The following USP45 variants were observed in gnomAD, a reference collection of about 807,000 sequenced individuals.
USP45 encodes ubiquitin specific peptidase 45.
A neutral mutation model predicts 95.8 loss-of-function variants in USP45; 89 were observed. That is an observed-to-expected ratio of 0.93 (90% CI 0.78 to 1.11). The LOEUF is 1.11. Ranked by LOEUF, USP45 falls within the 50% of genes least tolerant of loss-of-function variation. The pLI, the probability that USP45 is intolerant of heterozygous loss-of-function variation, is 0.00. For missense variants in USP45, 898 were observed against 942.5 expected (o/e 0.95, Z 0.62); for synonymous variants, 281 against 316.2 (o/e 0.89, Z 1.18).
chr6:99,457,969 C>T (rs1327742202), intron 13 of USP45, among the ~76,000 whole-genome samples: 1 of 152,140 alleles, frequency 6.6e-6, no homozygotes, highest in Non-Finnish European at 1.5e-5. Flanking sequence ...TATAGAAAAG[C>T]CCACAGAGCA....
chr6:99,453,151 A>T (rs927532156), intron 13 of USP45, among the ~76,000 whole-genome samples: 7 of 141,418 alleles, frequency 4.9e-5, no homozygotes, highest in African/African-American at 1.1e-4. Context: ...CGTTGTGCAC[A>T]TGTACCCTAG....
chr6:99,464,348 A>G (rs1233569060), intron 13 of USP45, among the ~76,000 whole-genome samples: 1 of 152,188 alleles, frequency 6.6e-6, no homozygotes, highest in African/African-American at 2.4e-5. Flanking sequence ...GTAGAGATAC[A>G]CATTGAAGTA....
intron 9 of USP45, among the ~76,000 whole-genome samples, chr6:99,469,075 A>T (rs979040786): frequency 2.0e-5 from 3 of 152,190 alleles, no homozygotes; most frequent in African/African-American, 4.8e-5. Context: ...TCTCTATGCT[A>T]TGTGGACTAC....
intron 17 of USP45, among the ~76,000 whole-genome samples, chr6:99,436,341 C>T (rs1452117457): frequency 6.6e-6 from 1 of 152,076 alleles, no homozygotes; most frequent in African/African-American, 2.4e-5. Context: ...CACTTGAGGT[C>T]AGGAGTTTGA....
chr6:99,487,221 C>T (rs1031161428), intron 7 of USP45, among the ~76,000 whole-genome samples: 3 of 152,170 alleles, frequency 2.0e-5, no homozygotes, highest in Admixed American at 1.3e-4. Flanking sequence ...AGTAAAGTAG[C>T]ATTCCTTCAT....
intron 16 of USP45, 123 bp downstream of exon 16, chr6:99,439,646 G>T: frequency 1.7e-6 from 1 of 587,622 alleles, no homozygotes; most frequent in Non-Finnish European, 2.7e-6. Flanking sequence ...CTTAATCACT[G>T]GCTATTAAAA....
At chr6:99,507,381 G>A (rs201759612) in intron 4 of USP45, 47 bp downstream of exon 4, 62 of 1,092,490 alleles carry the variant, frequency 5.7e-5, no homozygotes, top group Non-Finnish European at 7.4e-5. Flanking sequence ...AAAAAAAATT[G>A]GGGGGCTGTG....
At chr6:99,455,049 C>G (rs959433783) in intron 13 of USP45, among the ~76,000 whole-genome samples, 1 of 147,930 alleles carries the variant, frequency 6.8e-6, no homozygotes, top group Non-Finnish European at 1.5e-5. Context: ...AAGATCACAC[C>G]ACTGCACTCC....
intron 9 of USP45, among the ~76,000 whole-genome samples, chr6:99,473,345 G>C (rs1789923769): frequency 6.6e-6 from 1 of 151,660 alleles, no homozygotes; most frequent in African/African-American, 2.4e-5. Flanking sequence ...TTCGAAACAA[G>C]CCTGGCCAAA....
intron 4 of USP45, among the ~76,000 whole-genome samples, chr6:99,505,071 A>AT (rs1798206559): frequency 6.6e-6 from 1 of 152,204 alleles, no homozygotes; most frequent in South Asian, 2.1e-4. Context: ...ATAAAATAAG[A>AT]TAAAAAGGGG....
At chr6:99,508,105 A>G (rs960197113) in intron 3 of USP45, among the ~76,000 whole-genome samples, 2 of 152,224 alleles carry the variant, frequency 1.3e-5, no homozygotes, top group African/African-American at 4.8e-5. Flanking sequence ...CCATTAAATT[A>G]ACTAATCCTG....
At chr6:99,461,124 T>C (rs1324758089) in intron 13 of USP45, 1 of 984,496 alleles carries the variant, frequency 1.0e-6, no homozygotes, top group African/African-American at 1.7e-5. Context: ...AAATCTTTCA[T>C]AAAACTAATA....
At chr6:99,500,221 T>A (rs567119682) in intron 5 of USP45, among the ~76,000 whole-genome samples, 4 of 152,148 alleles carry the variant, frequency 2.6e-5, no homozygotes, top group African/African-American at 9.6e-5. Context: ...GCCTCCCGGG[T>A]TCAAACAATT....
In USP45 at chr6:99,468,436, C is replaced by T. The variant is rs546854321; in HGVS notation, c.1015+101G>A. 61 of 783,734 alleles carry T rather than the reference C, an allele frequency of 7.8e-5. 1 individual carries two copies. Among genetic ancestry groups the T allele is most frequent in the South Asian group, 3.2e-4 (19 of 60,150 alleles). The allele number at this position is 783,734 out of a possible 1,614,324, so 48.5% of individuals were successfully genotyped here. A position where few individuals can be genotyped will look rare whatever the true frequency, so the allele number is the denominator to read the frequency against. ...CTACGTCCTCCTTTTAAAGCCACTA[C>T]TTTGGTGGATTAGTTCACATAATGT... On this transcript the variant is annotated intron_variant, in intron 10 of 17. Coordinates refer to ENST00000500704, the MANE Select transcript of USP45 (RefSeq NM_001346022.3).
At position 99,435,350 on chromosome 6, in the gene USP45, T is replaced by C. The variant is rs17180915; in HGVS notation, c.*366A>G. 0.29 allele frequency: 47,357 copies of C among 162,122 alleles called. 7,520 individuals carry two copies. Among genetic ancestry groups the C allele is most frequent in the Middle Eastern group, 0.42 (154 of 366 alleles). The allele number at this position is 162,122 out of a possible 1,614,324, so 10.0% of individuals were successfully genotyped here. On this transcript the variant is annotated 3_prime_UTR_variant, in exon 18 of 18. Coordinates refer to ENST00000500704, the MANE Select transcript of USP45 (RefSeq NM_001346022.3). ...TAGAATATGTGAGAGTTCAGGAAGG[T>C]GGCATTACATTTAGGAATCACTGTC...
At chr6:99,510,896 T>C (rs1799633493) in intron 1 of USP45, among the ~76,000 whole-genome samples, 1 of 152,172 alleles carries the variant, frequency 6.6e-6, no homozygotes, top group Non-Finnish European at 1.5e-5. Flanking sequence ...TCTTTACCCT[T>C]TCCTCCCTTC....
chr6:99,457,129 G>T (rs767449348), intron 13 of USP45, among the ~76,000 whole-genome samples: 1 of 152,190 alleles, frequency 6.6e-6, no homozygotes, highest in African/African-American at 2.4e-5. Flanking sequence ...CTCCTGATAA[G>T]ATGTTATCAA....
At chr6:99,509,391 G>A (rs1799262001) in intron 2 of USP45, among the ~76,000 whole-genome samples, 1 of 152,150 alleles carries the variant, frequency 6.6e-6, no homozygotes, top group African/African-American at 2.4e-5. Context: ...GATTTCAGAA[G>A]ACATAGGCAC....
At chr6:99,512,196 A>G (rs1800035969) in intron 1 of USP45, among the ~76,000 whole-genome samples, 1 of 152,076 alleles carries the variant, frequency 6.6e-6, no homozygotes, top group Non-Finnish European at 1.5e-5. Context: ...TACTTGCCTA[A>G]GACTTTAGCT....
Sources: allele counts gnomAD v4.1 joint callset (sites outside exome capture counted in the v4.1 genomes callset), GRCh38; gene constraint gnomAD v4.1.1; transcripts MANE v1.5; gene names NCBI Gene and HGNC (gene_info 2026-07-23, HGNC 2026-07-21).